The following DIAPH3 variants were observed in gnomAD, a reference collection of about 807,000 sequenced individuals.
DIAPH3 encodes diaphanous related formin 3, also known as protein diaphanous homolog 3.
A neutral mutation model predicts 144.3 loss-of-function variants in DIAPH3; 117 were observed. That is an observed-to-expected ratio of 0.81 (90% CI 0.70 to 0.95). The LOEUF is 0.95. DIAPH3 is among the 40% of genes least tolerant of loss of function. DIAPH3 has a pLI of 0.00. For missense variants in DIAPH3, 1,421 were observed against 1,412.7 expected, an observed-to-expected ratio of 1.01 and a Z score of -0.09; for synonymous variants, 519 against 488.9, an observed-to-expected ratio of 1.06 and a Z score of -0.81.
rs895949004 is a variant in DIAPH3, at chr13:60,160,090, G to A, written c.180+3497C>T. ...ATACAAAAAATTAGCCGGGCGTTGC[G>A]GTGGGCACCTGTAGTCCCAACTACT... On this transcript the variant is annotated intron_variant, in intron 1 of 27. Transcript: ENST00000400324. Among the ~76,000 whole-genome samples, 11 of 152,074 alleles carry A rather than the reference G, an allele frequency of 7.2e-5. 1 individual carries two copies. The highest frequency in any genetic ancestry group is 3.3e-4 in the Admixed American group (5 of 15,274).
At chr13:60,098,826 T>C (rs972022576) in intron 3 of DIAPH3, among the ~76,000 whole-genome samples, 2 of 152,158 alleles carry the variant, frequency 1.3e-5, no homozygotes, top group Non-Finnish European at 2.9e-5. Flanking sequence ...AGTATGCTGA[T>C]ATATGTACGT....
Position 60,093,685 on chromosome 13 carries a change from C to T in DIAPH3, c.438G>A (p.Lys146=), listed in dbSNP as rs754394849. The change falls in exon 4 of 28, where the codon AAG becomes AAA. Residue 146 remains lysine, a synonymous_variant. Coordinates refer to ENST00000400324, the MANE Select transcript of DIAPH3 (RefSeq NM_001042517.2). ...NEDKKAPLRE[K]DFSIKKEMVM... ...CCATTTCTTTTTTGATACTGAAGTC[C>T]TTTTCCCGCAATGGTGCCTTTTTAT... is the stretch of plus-strand genomic sequence containing the variant. 1.9e-6 allele frequency: 3 copies of T among 1,612,804 alleles called. No homozygotes were observed. The East Asian group carries it at 6.7e-5, about 36-fold the overall frequency.
intron 4 of DIAPH3, among the ~76,000 whole-genome samples, chr13:60,054,585 G>A (rs1379686641): frequency 6.6e-6 from 1 of 151,956 alleles, no homozygotes; most frequent in Non-Finnish European, 1.5e-5. Flanking sequence ...TGAGACTTGT[G>A]AAGAAGAATG....
intron 17 of DIAPH3, among the ~76,000 whole-genome samples, chr13:59,931,207 C>A (rs2048001512): frequency 6.6e-6 from 1 of 152,170 alleles, no homozygotes; most frequent in Non-Finnish European, 1.5e-5. Flanking sequence ...CTAGTCGATT[C>A]TAACTCCAAA....
chr13:60,052,958 T>TAAAAAAAAAAA (rs2056407276), intron 4 of DIAPH3, among the ~76,000 whole-genome samples: 1 of 10,612 alleles, frequency 9.4e-5, no homozygotes, highest in African/African-American at 6.3e-4. Context: ...AGACTCCCTC[T>TAAAAAAAAAAA]TAAAAAAAAA....
chr13:60,112,768 G>A (rs901214503), intron 2 of DIAPH3, among the ~76,000 whole-genome samples: 3 of 152,164 alleles, frequency 2.0e-5, no homozygotes, highest in African/African-American at 7.2e-5. Context: ...AATGGTTAAG[G>A]CCTTAAGAAA....
At chr13:60,090,553 A>T (rs1232237602) in intron 4 of DIAPH3, among the ~76,000 whole-genome samples, 1 of 152,200 alleles carries the variant, frequency 6.6e-6, no homozygotes, top group Non-Finnish European at 1.5e-5. Context: ...TAAAACCATA[A>T]CAAAAGTATA....
chr13:59,668,834 T>G (rs944968074), intron 27 of DIAPH3, among the ~76,000 whole-genome samples: 46 of 117,464 alleles, frequency 3.9e-4, no homozygotes, highest in Non-Finnish European at 5.5e-4. Flanking sequence ...CATATATATA[T>G]ATGTATGTAT....
chr13:59,999,248 T>C (rs898817089), intron 9 of DIAPH3, among the ~76,000 whole-genome samples: 6 of 152,162 alleles, frequency 3.9e-5, no homozygotes, highest in African/African-American at 4.8e-5. Flanking sequence ...ATCCCTCACT[T>C]AAGAAAGGTT....
rs184357690 is a variant in DIAPH3, at chr13:59,857,940, C to T, written c.2737+3467G>A. 7.2e-5 allele frequency among the ~76,000 whole-genome samples: 11 copies of T among 152,156 alleles called. No homozygotes were observed. In the East Asian group the frequency reaches 2.1e-3, roughly 29 times the overall value. ...AGATATCCAAAGAAGGGGAGCCAAG[C>T]AGGATTTTTTCAAGTAAACAAAATT... On this transcript the variant is annotated intron_variant, in intron 22 of 27. Coordinates refer to ENST00000400324, the MANE Select transcript of DIAPH3 (RefSeq NM_001042517.2).
At chr13:60,151,787 A>G (rs928847231) in intron 1 of DIAPH3, among the ~76,000 whole-genome samples, 1 of 152,190 alleles carries the variant, frequency 6.6e-6, no homozygotes, top group Non-Finnish European at 1.5e-5. Context: ...GTGGAGTTAG[A>G]ACATGGTTTT....
chr13:59,867,746 C>T (rs764342718), intron 21 of DIAPH3, among the ~76,000 whole-genome samples: 1 of 152,046 alleles, frequency 6.6e-6, no homozygotes, highest in Non-Finnish European at 1.5e-5. Flanking sequence ...CATACTGCCC[C>T]CTTTTTCCTG....
intron 5 of DIAPH3, among the ~76,000 whole-genome samples, chr13:60,039,988 C>A (rs140390451): frequency 6.6e-6 from 1 of 152,018 alleles, no homozygotes; most frequent in East Asian, 1.9e-4. Flanking sequence ...GGAATCCCAG[C>A]ACTTTGGGAG....
At chr13:59,987,475 T>TAAAAAAAAAAAAAAAAAAAAA in intron 12 of DIAPH3, among the ~76,000 whole-genome samples, 1 of 70,166 alleles carries the variant, frequency 1.4e-5, no homozygotes, top group Middle Eastern at 7.8e-3. Flanking sequence ...TAAAGTATAA[T>TAAAAAAAAAAAAAAAAAAAAA]AAAAAAAAAA....
chr13:59,993,702 TAAAAAAA>T (rs3078724), intron 9 of DIAPH3, among the ~76,000 whole-genome samples: 4 of 73,894 alleles, frequency 5.4e-5, no homozygotes, highest in African/African-American at 1.2e-4. Flanking sequence ...GAAACATACT[TAAAAAAA>T]AAAAAAAAAA....
chr13:59,727,670 AT>A, intron 27 of DIAPH3, among the ~76,000 whole-genome samples: 1 of 152,328 alleles, frequency 6.6e-6, no homozygotes, highest in East Asian at 1.9e-4. Flanking sequence ...TAGGAGCTAT[AT>A]AAGCATTGGC....
chr13:59,692,137 CTTTTTTTTTTT>C (rs56205887), intron 27 of DIAPH3, among the ~76,000 whole-genome samples: 58 of 58,190 alleles, frequency 1.0e-3, no homozygotes, highest in African/African-American at 3.3e-3. Flanking sequence ...TTGAGAAATT[CTTTTTTTTTTT>C]TTTTTTTTTT....
intron 4 of DIAPH3, among the ~76,000 whole-genome samples, chr13:60,081,087 T>C (rs1054140391): frequency 6.6e-6 from 1 of 151,934 alleles, no homozygotes; most frequent in Admixed American, 6.6e-5. Context: ...CCTGCTGTGA[T>C]AGATTTAACA....
intron 27 of DIAPH3, among the ~76,000 whole-genome samples, chr13:59,766,564 T>C (rs2037868094): frequency 6.6e-6 from 1 of 152,200 alleles, no homozygotes; most frequent in South Asian, 2.1e-4. Context: ...CCAGGTGCTC[T>C]GCACCTATGC....
Sources: gnomAD v4.1 joint callset for allele counts (sites outside exome capture counted in the v4.1 genomes callset) on GRCh38, gnomAD v4.1.1 for gene constraint, MANE v1.5 for transcripts, NCBI Gene and HGNC (gene_info 2026-07-23, HGNC 2026-07-21) for gene names.